The following BOD1L1 variants were observed in gnomAD, a reference collection of about 807,000 sequenced individuals.
BOD1L1 encodes biorientation of chromosomes in cell division 1 like 1, also known as biorientation of chromosomes in cell division protein 1-like 1.
Under a neutral mutation model 240.7 loss-of-function variants are expected in BOD1L1, and 86 were observed. The ratio of observed to expected loss-of-function variants is 0.36; its 90% CI spans 0.30 to 0.43. BOD1L1 has a LOEUF of 0.43. BOD1L1 is among the 20% of genes least tolerant of loss of function. The probability of loss-of-function intolerance (pLI) is 1.00; values close to 1 mark genes in which losing one functional copy is unlikely to be tolerated. For missense variants in BOD1L1, 3,554 were observed against 3,643.5 expected, an observed-to-expected ratio of 0.98 and a Z score of 0.63; for synonymous variants, 1,268 against 1,272.3, an observed-to-expected ratio of 1.00 and a Z score of 0.07.
chr4:13,584,439 A>AGT (rs1380460484), intron 17 of BOD1L1, among the ~76,000 whole-genome samples: 208 of 118,356 alleles, frequency 1.8e-3, no homozygotes, highest in African/African-American at 5.6e-3. Flanking sequence ...AAAGAGAGAG[A>AGT]GAGTGTGTGT....
intron 25 of BOD1L1, among the ~76,000 whole-genome samples, chr4:13,570,678 T>C (rs559968022): frequency 6.6e-6 from 1 of 152,334 alleles, no homozygotes; most frequent in Admixed American, 6.5e-5. Flanking sequence ...TGATTAAAAT[T>C]ATTTGTTGGA....
In BOD1L1 at chr4:13,600,744, A is replaced by G. The variant is rs777328267; in HGVS notation, c.6156T>C (p.Ser2052=). ...AGCTATTCTGGTTGGTAATATCACC[A>G]CTGGCTGTAGTTGCCATGAGACCAT... ...ECDGLMATTA[S]GDITNQNSLA... The change falls in exon 10 of 26, where the codon AGT becomes AGC. Residue 2052 remains serine, a synonymous_variant. Coordinates refer to ENST00000040738, the MANE Select transcript of BOD1L1 (RefSeq NM_148894.3). 1 of 1,613,938 alleles carries G rather than the reference A, an allele frequency of 6.2e-7. No homozygotes were observed. Among genetic ancestry groups the G allele is most frequent in the East Asian group, 2.2e-5 (1 of 44,892 alleles).
Position 13,603,084 on chromosome 4 carries a change from A to C in BOD1L1, c.3816T>G (p.Leu1272=), listed in dbSNP as rs1371708630. ...AGGAGTCTAAATTTGTGGAATGTTC[A>C]AGAGTGGCATCTCCTTGAGCAACAT... ...EEHVAQGDAT[L]EHSTNLDSSP... The change falls in exon 10 of 26, where the codon CTT becomes CTG. Residue 1272 remains leucine (L), a synonymous_variant. Transcript: ENST00000040738. 3 of 1,613,874 alleles carry C rather than the reference A, an allele frequency of 1.9e-6. No homozygotes were observed. In the Admixed American group the frequency reaches 5.0e-5, roughly 27 times the overall value.
In BOD1L1 at chr4:13,607,111, G is replaced by C; in HGVS notation, c.1815+6C>G. ...GCATTTGAAATGAGGTTTTATTAAG[G>C]CATACCTCACTTGTTTTAAGGGTTT... On this transcript the variant is annotated splice_donor_region_variant and intron_variant, in intron 9 of 25. Coordinates refer to ENST00000040738, the MANE Select transcript of BOD1L1 (RefSeq NM_148894.3). 6.5e-7 allele frequency: 1 copy of C among 1,533,890 alleles called. No homozygotes were observed. The highest frequency in any genetic ancestry group is 1.2e-5 in the South Asian group (1 of 82,912).
chr4:13,576,227 T>C (rs753417620), intron 25 of BOD1L1, among the ~76,000 whole-genome samples: 6 of 152,156 alleles, frequency 3.9e-5, no homozygotes, highest in African/African-American at 4.8e-5. Flanking sequence ...CTTAATATTT[T>C]AATGAACATG....
chr4:13,621,650 A>G (rs1488808390), intron 1 of BOD1L1, among the ~76,000 whole-genome samples: 1 of 152,160 alleles, frequency 6.6e-6, no homozygotes, highest in African/African-American at 2.4e-5. Flanking sequence ...GTTTTCATAT[A>G]GCCTATCACA....
intron 17 of BOD1L1, among the ~76,000 whole-genome samples, chr4:13,584,768 G>GTCT (rs140146714): frequency 0.03 from 4,552 of 151,844 alleles, 212 homozygotes; most frequent in African/African-American, 0.1. Context: ...TTCAATTTTG[G>GTCT]TCTTTTGGTC....
In BOD1L1 at chr4:13,601,857, A is replaced by C. The variant is rs577310846; in HGVS notation, c.5043T>G (p.Ile1681Met). The change falls in exon 10 of 26, where the codon ATT becomes ATG. Residue 1681 changes from isoleucine to methionine, a missense_variant. Transcript: ENST00000040738. ...CTGCTCCATCACTTTCAACTTCACT[A>C]ATAAAAGTAATAGTTCCTTCAACTA... The part of the protein sequence containing the change: ...SEIVEGTITF[I>M]SEVESDGAVT... 345 of 1,613,900 alleles carry C rather than the reference A, an allele frequency of 2.1e-4. 4 individuals are homozygous for C. The South Asian group carries it at 3.2e-3, about 15-fold the overall frequency.
chr4:13,588,976 T>C (rs760098758), intron 14 of BOD1L1, among the ~76,000 whole-genome samples, 184 bp from the exon 15 acceptor site: 6 of 152,184 alleles, frequency 3.9e-5, no homozygotes, highest in Non-Finnish European at 5.9e-5. Context: ...CACACAACTC[T>C]GTCAGTTAAA....
Position 13,600,648 on chromosome 4 carries a change from CT to C in BOD1L1, c.6251del (p.Gln2084ArgfsTer2). The stretch of plus-strand genomic sequence containing the variant: ...CTTCCACATCTGTAATTGCGCTTAC[CT>C]GAGGGGTGTAATCATTTGTGGTACT... ...STSTTNDYTP[Q>X]VSAITDVEGG... On this transcript the variant is annotated frameshift_variant, in exon 10 of 26. Transcript: ENST00000040738. LOFTEE classifies it high-confidence loss of function. 1 of 1,613,880 alleles carries C rather than the reference CT, an allele frequency of 6.2e-7. No homozygotes were observed. Among genetic ancestry groups the C allele is most frequent in the East Asian group, 2.2e-5 (1 of 44,876 alleles).
At chr4:13,585,703 C>T (rs1713622693) in intron 17 of BOD1L1, among the ~76,000 whole-genome samples, 1 of 152,076 alleles carries the variant, frequency 6.6e-6, no homozygotes, top group South Asian at 2.1e-4. Flanking sequence ...CCCATAATCC[C>T]CACTTGTAGT....
intron 14 of BOD1L1, among the ~76,000 whole-genome samples, chr4:13,589,671 G>A (rs1341552900): frequency 6.6e-6 from 1 of 152,118 alleles, no homozygotes; most frequent in Non-Finnish European, 1.5e-5. Context: ...ATTGGGAAGG[G>A]GTAAATGGGG....
At chr4:13,574,363 T>C (rs1405891267) in intron 25 of BOD1L1, among the ~76,000 whole-genome samples, 1 of 151,906 alleles carries the variant, frequency 6.6e-6, no homozygotes, top group Admixed American at 6.6e-5. Context: ...CTGGGACTGA[T>C]CAACCAATGC....
rs1358700770 is a variant in BOD1L1 at position 13,615,596 on chromosome 4, T to G, written c.369-94A>C. 3.4e-6 allele frequency: 4 copies of G among 1,165,154 alleles called. No individual in the cohort carries two copies. The African/African-American group carries it at 6.2e-5, about 18-fold the overall frequency. The allele number at this position is 1,165,154 out of a possible 1,614,324, so 72.2% of individuals were successfully genotyped here. A position where few individuals can be genotyped will look rare whatever the true frequency, so the allele number is the denominator to read the frequency against. On this transcript the variant is annotated intron_variant, in intron 2 of 25. Coordinates refer to ENST00000040738, the MANE Select transcript of BOD1L1 (RefSeq NM_148894.3). Reference sequence around the variant, plus strand: ...AACACTCTACAATCTGTCATCTATCTATCCATCCATCCAACCTTAAATTGT... The same window carrying G: ...AACACTCTACAATCTGTCATCTATCGATCCATCCATCCAACCTTAAATTGT...
chr4:13,610,345 G>A (rs909238827), intron 6 of BOD1L1, among the ~76,000 whole-genome samples: 1 of 151,194 alleles, frequency 6.6e-6, no homozygotes, highest in African/African-American at 2.4e-5. Context: ...TGCAGGACTG[G>A]ATCTACACTT....
At chr4:13,582,144 T>A in intron 19 of BOD1L1, 93 bp downstream of exon 19, 15 of 1,065,438 alleles carry the variant, frequency 1.4e-5, no homozygotes, top group Non-Finnish European at 2.1e-5. Context: ...TTCAAAGTAC[T>A]TAAGAAAAAC....
At position 13,600,309 on chromosome 4, in the gene BOD1L1, C is replaced by T. The variant is rs141423399; in HGVS notation, c.6591G>A (p.Ala2197=). 3,078 of 1,614,010 alleles carry T rather than the reference C, an allele frequency of 1.9e-3. 19 individuals carry two copies. The highest frequency in any genetic ancestry group is 8.9e-3 in the East Asian group (399 of 44,878). The change falls in exon 10 of 26, where the codon GCG becomes GCA. Residue 2197 remains alanine (A), a synonymous_variant. Coordinates refer to ENST00000040738, the MANE Select transcript of BOD1L1 (RefSeq NM_148894.3). The stretch of plus-strand genomic sequence containing the variant: ...CAAGAGGACTTTCAGCTTCTGGGGG[C>T]GCACTGGGCATAGGCCCCTCAAAGT... ...TADFEGPMPS[A]PPEAESPLAS... is the part of the protein sequence containing the mutation.
At chr4:13,620,476 A>G (rs1331208046) in intron 1 of BOD1L1, among the ~76,000 whole-genome samples, 1 of 152,210 alleles carries the variant, frequency 6.6e-6, no homozygotes, top group East Asian at 1.9e-4. Context: ...ACAAAGAGCA[A>G]GTGGATGAGC....
chr4:13,597,189 T>C, intron 10 of BOD1L1, 21 bp from the exon 11 acceptor site: 1 of 1,572,158 alleles, frequency 6.4e-7, no homozygotes, highest in Non-Finnish European at 8.7e-7. Context: ...TCAAGCCATT[T>C]AGTACAGTTT....
Sources: allele counts gnomAD v4.1 joint callset (sites outside exome capture counted in the v4.1 genomes callset), GRCh38; gene constraint gnomAD v4.1.1; transcripts MANE v1.5; gene names NCBI Gene and HGNC (gene_info 2026-07-23, HGNC 2026-07-21).